Variants in ZNF821 observed in about 807,000 individuals in gnomAD.
ZNF821 encodes the protein zinc finger protein 821.
Under a neutral mutation model 44.3 loss-of-function variants are expected in ZNF821, and 16 were observed. The ratio of observed to expected loss-of-function variants is 0.36; its 90% CI spans 0.24 to 0.55. The LOEUF (loss-of-function observed/expected upper bound fraction) is 0.55. Among genes scored for constraint, ZNF821 ranks in the 20% least tolerant of loss-of-function variants. ZNF821 has a pLI of 0.86. For synonymous variants in ZNF821, 204 were observed against 197.6 expected (o/e 1.03, Z -0.27); for missense variants, 436 against 547.6 (o/e 0.80, Z 2.03).
chr16:71,873,331 A>C (rs930820732), intron 3 of ZNF821, among the ~76,000 whole-genome samples: 2 of 152,176 alleles, frequency 1.3e-5, no homozygotes, highest in African/African-American at 4.8e-5. Flanking sequence ...CAAAAAAAAA[A>C]AAACTGTACT....
At chr16:71,893,028 G>GTTTTTTTTTTTT (rs767096247) in intron 1 of ZNF821, among the ~76,000 whole-genome samples, 2 of 37,958 alleles carry the variant, frequency 5.3e-5, no homozygotes, top group African/African-American at 1.6e-4. Context: ...ACCCTGCCTG[G>GTTTTTTTTTTTT]CTTTTTTTTT....
upstream of ZNF821, chr16:71,884,945 C>G (rs1314406736): frequency 6.6e-6 from 1 of 151,718 alleles, no homozygotes; most frequent in African/African-American, 2.4e-5. Flanking sequence ...GCAACCTGCG[C>G]CTCCCAGGTT....
chr16:71,884,383 C>G (rs1435071044), upstream of ZNF821, among the ~76,000 whole-genome samples: 1 of 152,106 alleles, frequency 6.6e-6, no homozygotes, highest in East Asian at 1.9e-4. Flanking sequence ...TCCGGAACCC[C>G]CCGCCTCGCC....
At chr16:71,869,872 A>AGGGATCC (rs1466833196) in intron 3 of ZNF821, among the ~76,000 whole-genome samples, 1 of 152,142 alleles carries the variant, frequency 6.6e-6, no homozygotes, top group East Asian at 1.9e-4. Context: ...CCTGCTCTCA[A>AGGGATCC]GGGATCCCCC....
rs1229957412 is a variant in ZNF821 at position 71,878,942 on chromosome 16, A to G, written c.40+965T>C. Among the ~76,000 whole-genome samples the G allele has an allele frequency of 2.6e-5, 4 of 151,660 alleles. No homozygotes were observed. The East Asian group carries it at 7.8e-4, about 29-fold the overall frequency. ...CTGTCTCAAAAAAAAAAAAAAAAGCAAAGAAAAACATGCATGTGACACTGT... is the reference window on the plus strand; with the variant it reads ...CTGTCTCAAAAAAAAAAAAAAAAGCGAAGAAAAACATGCATGTGACACTGT... On this transcript the variant is annotated intron_variant, in intron 3 of 7. Transcript: ENST00000425432.
chr16:71,879,974 T>G lies in ZNF821; in HGVS notation c.-28A>C. On this transcript the variant is annotated 5_prime_UTR_variant, in exon 3 of 8. Coordinates refer to ENST00000425432, the MANE Select transcript of ZNF821 (RefSeq NM_001201552.2). ...TTCCCTGATGCAAGAGCTCTGGTCT[T>G]TCCCAGTTTCACGACTGGATATGTT... 6.2e-7 allele frequency: 1 copy of G among 1,610,708 alleles called. No homozygotes were observed. The highest frequency in any genetic ancestry group is 1.3e-5 in the African/African-American group (1 of 74,894).
At chr16:71,866,941 C>T (rs1367581761) in intron 4 of ZNF821, among the ~76,000 whole-genome samples, 1 of 152,136 alleles carries the variant, frequency 6.6e-6, no homozygotes, top group Non-Finnish European at 1.5e-5. Context: ...CTAATAATAA[C>T]CAATATCAAA....
intron 3 of ZNF821, among the ~76,000 whole-genome samples, chr16:71,875,436 C>T (rs1173213803): frequency 1.3e-5 from 2 of 151,642 alleles, no homozygotes; most frequent in African/African-American, 2.4e-5. Context: ...CGTGCGCCAC[C>T]ATGCCCAGCT....
chr16:71,862,283 T>A (rs976532768), intron 6 of ZNF821, among the ~76,000 whole-genome samples: 1 of 152,282 alleles, frequency 6.6e-6, no homozygotes, highest in Middle Eastern at 3.4e-3. Context: ...AAGACCAGCC[T>A]GGCCAATATG....
chr16:71,890,164 T>C (rs1024414774), intron 1 of ZNF821, among the ~76,000 whole-genome samples: 1 of 152,120 alleles, frequency 6.6e-6, no homozygotes, highest in African/African-American at 2.4e-5. Context: ...CTTTAACAAG[T>C]GATCTTGATT....
At chr16:71,892,178 C>CAAAAAAAA (rs560376648) in intron 1 of ZNF821, among the ~76,000 whole-genome samples, 622 of 31,892 alleles carry the variant, frequency 0.02, 84 homozygotes, top group African/African-American at 0.029. Context: ...AACTCCGTCT[C>CAAAAAAAA]AAAAAAAAAA....
chr16:71,862,452 G>C (rs1421229128), intron 6 of ZNF821, among the ~76,000 whole-genome samples: 2 of 152,124 alleles, frequency 1.3e-5, no homozygotes, highest in Admixed American at 1.3e-4. Context: ...TCCAGCCTAG[G>C]TAATACAGCG....
chr16:71,885,314 T>G (rs1176322148), upstream of ZNF821: 3 of 152,330 alleles, frequency 2.0e-5, no homozygotes, highest in Non-Finnish European at 4.4e-5. Context: ...GAAGATGAGA[T>G]CTGGTATTAG....
At chr16:71,871,545 T>G (rs895672692) in intron 3 of ZNF821, among the ~76,000 whole-genome samples, 3 of 152,230 alleles carry the variant, frequency 2.0e-5, no homozygotes, top group Admixed American at 6.5e-5. Flanking sequence ...ATGTCTAATG[T>G]GATCTATGGA....
At chr16:71,887,312 T>A (rs895368897), upstream of ZNF821, among the ~76,000 whole-genome samples, 2 of 142,554 alleles carry the variant, frequency 1.4e-5, no homozygotes, top group African/African-American at 2.6e-5. Flanking sequence ...CAGGCTGGAG[T>A]GCAGTGGCGC....
At position 71,860,446 on chromosome 16, in the gene ZNF821, G is replaced by A. The variant is rs772366204; in HGVS notation, c.811C>T (p.Leu271=). 6 of 1,613,976 alleles carry A rather than the reference G, an allele frequency of 3.7e-6. No individual in the cohort carries two copies. The South Asian group carries it at 5.5e-5, about 15-fold the overall frequency. Reference sequence around the variant, plus strand: ...GTGCGCTCTCGTTCCAGCCGCTGCAGCCGTACTTCCAAAGGCTCATTCTGT... The same window carrying A: ...GTGCGCTCTCGTTCCAGCCGCTGCAACCGTACTTCCAAAGGCTCATTCTGT... ...RRQNEPLEVR[L]QRLERERTAK... Residue 271 remains leucine (L), a synonymous_variant, in exon 8 of 8, where the codon CTG becomes TTG. Coordinates refer to ENST00000425432, the MANE Select transcript of ZNF821 (RefSeq NM_001201552.2). The surrounding 1 kb of genome is among the most constrained non-coding windows in gnomAD (Gnocchi z 7.3).
Position 71,859,884 on chromosome 16 carries a change from C to T in ZNF821, c.*134G>A. ...CATATGCAAGGGCTGCTCAGGTCCACCTGCAATAAACCCAGGCCTGCCTCT... is the reference window on the plus strand; with the variant it reads ...CATATGCAAGGGCTGCTCAGGTCCATCTGCAATAAACCCAGGCCTGCCTCT... On this transcript the variant is annotated 3_prime_UTR_variant, in exon 8 of 8. Transcript: ENST00000425432. 1 of 1,040,234 alleles carries T rather than the reference C, an allele frequency of 9.6e-7. No individual in the cohort carries two copies. Among genetic ancestry groups the T allele is most frequent in the South Asian group, 1.7e-5 (1 of 59,288 alleles). The allele number at this position is 1,040,234 out of a possible 1,614,324, so 64.4% of individuals were successfully genotyped here. A position where few individuals can be genotyped will look rare whatever the true frequency, so the allele number is the denominator to read the frequency against.
At chr16:71,873,048 G>A (rs1019685805) in intron 3 of ZNF821, among the ~76,000 whole-genome samples, 6 of 152,266 alleles carry the variant, frequency 3.9e-5, no homozygotes, top group South Asian at 2.1e-4. Context: ...AGGGCTGGGC[G>A]AGGTGGCTCA....
intron 1 of ZNF821, among the ~76,000 whole-genome samples, chr16:71,890,396 T>A (rs1357435359): frequency 6.6e-6 from 1 of 151,982 alleles, no homozygotes; most frequent in Non-Finnish European, 1.5e-5. Context: ...CAAACTTTTT[T>A]TTTTTTTTCA....
Sources: allele counts gnomAD v4.1 joint callset (sites outside exome capture counted in the v4.1 genomes callset), GRCh38; gene constraint gnomAD v4.1.1; non-coding constraint Gnocchi (gnomAD v3.1); transcripts MANE v1.5; gene names NCBI Gene and HGNC (gene_info 2026-07-23, HGNC 2026-07-21).